The following GPHN variants were observed in gnomAD, a reference collection of about 807,000 sequenced individuals.
The protein encoded by GPHN is gephyrin.
GPHN carries 17 observed loss-of-function variants against 95.5 expected under a neutral mutation model. That is an observed-to-expected ratio of 0.18 (90% CI 0.12 to 0.27). GPHN has a LOEUF of 0.27. Among genes scored for constraint, GPHN ranks in the 10% least tolerant of loss-of-function variants. The pLI, the probability that GPHN is intolerant of heterozygous loss-of-function variation, is 1.00. For synonymous variants in GPHN, 320 were observed against 322.5 expected, an observed-to-expected ratio of 0.99 and a Z score of 0.08; for missense variants, 660 against 978.1, an observed-to-expected ratio of 0.67 and a Z score of 4.34.
At chr14:67,413,678 C>T in the GPHN span, among the ~76,000 whole-genome samples, 1 of 152,154 alleles carries the variant, frequency 6.6e-6, no homozygotes, top group African/African-American at 2.4e-5. Flanking sequence ...AAGGAAAACT[C>T]GCAGGGTCTG....
the GPHN span, chr14:67,254,182 C>CTTTTTT: frequency 1.7e-5 from 2 of 118,550 alleles, no homozygotes; most frequent in African/African-American, 3.0e-5. Context: ...AAGTGTCTTT[C>CTTTTTT]TTTTTTTTTT....
chr14:67,653,506 G>A, the GPHN span: 387 of 1,612,248 alleles, frequency 2.4e-4, no homozygotes, highest in Middle Eastern at 9.9e-4. Context: ...CAGCTGAGAA[G>A]AGAAAATAGT....
At chr14:67,671,528 A>G in the GPHN span, among the ~76,000 whole-genome samples, 1 of 152,188 alleles carries the variant, frequency 6.6e-6, no homozygotes, top group African/African-American at 2.4e-5. Flanking sequence ...TCTATCTCAA[A>G]AAAACAAAAA....
At chr14:66,966,418 T>C (rs1305779849) in intron 9 of GPHN, among the ~76,000 whole-genome samples, 4 of 152,026 alleles carry the variant, frequency 2.6e-5, no homozygotes, top group Non-Finnish European at 5.9e-5. Flanking sequence ...ATTAATTTTA[T>C]CATTTAAAAA....
At chr14:67,040,418 A>G in intron 10 of GPHN, among the ~76,000 whole-genome samples, 1 of 152,216 alleles carries the variant, frequency 6.6e-6, no homozygotes, top group South Asian at 2.1e-4. Flanking sequence ...CAAATAAAAA[A>G]GACTTTCTCT....
the GPHN span, chr14:67,570,255 T>C: frequency 1.2e-6 from 1 of 830,676 alleles, no homozygotes. Flanking sequence ...CTATGCCCGC[T>C]TTACAGCTCT....
At chr14:66,929,015 G>A (rs1473810549) in intron 8 of GPHN, among the ~76,000 whole-genome samples, 1 of 149,030 alleles carries the variant, frequency 6.7e-6, no homozygotes, top group Non-Finnish European at 1.5e-5. Flanking sequence ...GTATCTATTA[G>A]ATCTATTTGA....
intron 5 of GPHN, among the ~76,000 whole-genome samples, chr14:66,889,695 A>G (rs1046571776): frequency 2.6e-5 from 4 of 152,096 alleles, no homozygotes; most frequent in East Asian, 3.8e-4. Flanking sequence ...ATGTATAACT[A>G]TAAGTTAAGA....
intron 21 of GPHN, among the ~76,000 whole-genome samples, chr14:67,172,598 C>G (rs1424125018): frequency 6.6e-6 from 1 of 152,112 alleles, no homozygotes; most frequent in Non-Finnish European, 1.5e-5. Flanking sequence ...TACCCACAAC[C>G]CAGGGAAACA....
the GPHN span, among the ~76,000 whole-genome samples, chr14:67,475,803 A>G: frequency 0.59 from 88,861 of 151,556 alleles, 28,210 homozygotes; most frequent in African/African-American, 0.85. Flanking sequence ...CTTTCTCCTC[A>G]CCCTCCACCA....
chr14:67,295,395 C>T, the GPHN span, among the ~76,000 whole-genome samples: 1 of 150,900 alleles, frequency 6.6e-6, no homozygotes. Context: ...GAGGCTGAGG[C>T]AGGAGAATCA....
chr14:67,142,480 C>T (rs2080532457), intron 17 of GPHN, among the ~76,000 whole-genome samples: 1 of 152,172 alleles, frequency 6.6e-6, no homozygotes. Context: ...AGACCTTCAA[C>T]CTGTACCATC....
At chr14:67,392,337 G>A in the GPHN span, 7 of 1,605,720 alleles carry the variant, frequency 4.4e-6, no homozygotes, top group South Asian at 6.6e-5. Context: ...TGCTTGGCCA[G>A]GTAGCCTTGT....
chr14:67,617,661 T>C, the GPHN span, among the ~76,000 whole-genome samples: 3 of 152,304 alleles, frequency 2.0e-5, no homozygotes, highest in African/African-American at 7.2e-5. Flanking sequence ...AAGTAGCACT[T>C]TGGAAAGGTC....
the GPHN span, among the ~76,000 whole-genome samples, chr14:67,688,383 A>G: frequency 3.3e-5 from 5 of 152,224 alleles, no homozygotes; most frequent in Non-Finnish European, 7.3e-5. Flanking sequence ...GGGTAAATCC[A>G]TATGTACTAA....
the GPHN span, chr14:67,691,003 G>T: frequency 1.0e-5 from 7 of 667,674 alleles, no homozygotes; most frequent in Admixed American, 1.1e-4. Context: ...TATCAGGTAG[G>T]ACCAAACTAT....
intron 1 of GPHN, among the ~76,000 whole-genome samples, chr14:66,637,484 A>G (rs1252631421): frequency 6.6e-6 from 1 of 152,158 alleles, no homozygotes; most frequent in Non-Finnish European, 1.5e-5. Context: ...GAATGAGACA[A>G]CCTATAGATA....
chr14:67,341,130 C>T, the GPHN span, among the ~76,000 whole-genome samples: 4 of 152,066 alleles, frequency 2.6e-5, no homozygotes, highest in South Asian at 2.1e-4. Flanking sequence ...TCTGCCTGGC[C>T]GCCCATCGTC....
the GPHN span, chr14:67,200,235 C>T: frequency 3.1e-6 from 3 of 975,378 alleles, no homozygotes; most frequent in East Asian, 2.8e-5. Context: ...ACAACCCACA[C>T]CCTATGGCTA....
Sources: allele counts gnomAD v4.1 joint callset (sites outside exome capture counted in the v4.1 genomes callset), GRCh38; gene constraint gnomAD v4.1.1; transcripts MANE v1.5; gene names NCBI Gene and HGNC (gene_info 2026-07-23, HGNC 2026-07-21).